CALN1: variants seen among roughly 807,000 people sequenced by gnomAD.
CALN1 encodes calneuron 1, also known as calcium-binding protein 8.
A neutral mutation model predicts 30.6 loss-of-function variants in CALN1; 17 were observed. That is an observed-to-expected ratio of 0.56 (90% confidence interval 0.38 to 0.83). CALN1 has a LOEUF of 0.83. Ranked by LOEUF, CALN1 falls within the 40% of genes least tolerant of loss-of-function variation. CALN1 has a pLI of 0.00. For synonymous variants in CALN1, 156 were observed against 131.4 expected (o/e 1.19, Z -1.28); for missense variants, 291 against 354.9 (o/e 0.82, Z 1.45).
intron 2 of CALN1, among the ~76,000 whole-genome samples, chr7:72,281,694 A>G (rs1194689404): frequency 6.6e-6 from 1 of 152,224 alleles, no homozygotes; most frequent in South Asian, 2.1e-4. Context: ...CATTCCTTCC[A>G]TTCCACCATG....
At chr7:71,833,713 G>A (rs1789428275) in intron 5 of CALN1, among the ~76,000 whole-genome samples, 1 of 151,980 alleles carries the variant, frequency 6.6e-6, no homozygotes, top group African/African-American at 2.4e-5. Flanking sequence ...GACCAGACTG[G>A]GTACCATAGC....
At chr7:71,936,227 G>A (rs563379155) in intron 5 of CALN1, among the ~76,000 whole-genome samples, 3 of 152,094 alleles carry the variant, frequency 2.0e-5, no homozygotes, top group Admixed American at 6.5e-5. Context: ...GACTGGGCGC[G>A]GTGGCTCACG....
At chr7:72,148,944 GGAAGGAAGGAAA>G (rs1318957658) in intron 3 of CALN1, among the ~76,000 whole-genome samples, 1 of 140,432 alleles carries the variant, frequency 7.1e-6, no homozygotes, top group Non-Finnish European at 1.5e-5. Flanking sequence ...AAAGAAGGAA[GGAAGGAAGGAAA>G]GAAGGAAGGG....
At chr7:71,829,333 A>G (rs1317350925) in intron 5 of CALN1, among the ~76,000 whole-genome samples, 1 of 152,172 alleles carries the variant, frequency 6.6e-6, no homozygotes, top group Non-Finnish European at 1.5e-5. Context: ...AAAAGCCACC[A>G]AAGGGCATGG....
In CALN1 at chr7:72,203,979, C is replaced by CTATTTTTTTTTTTTTTTTTTTTTT. The variant is rs59798860; in HGVS notation, c.244+74706_244+74707insAAAAAAAAAAAAAAAAAAAAAATA. ...TAGCCTTCATATAAGAGGCCTCTCTCTTTTTTTTTTTTTTTTTTTTTTTTT... is the reference window on the plus strand; with the variant it reads ...TAGCCTTCATATAAGAGGCCTCTCTCTATTTTTTTTTTTTTTTTTTTTTTTTTTTTTTTTTTTTTTTTTTTTTTT... On this transcript the variant is annotated intron_variant, in intron 3 of 6. Transcript: ENST00000395275. 2.4e-5 allele frequency among the ~76,000 whole-genome samples: 2 copies of CTATTTTTTTTTTTTTTTTTTTTTT among 83,778 alleles called. 1 individual carries two copies. Among genetic ancestry groups the CTATTTTTTTTTTTTTTTTTTTTTT allele is most frequent in the African/African-American group, 1.0e-4 (2 of 19,086 alleles). The allele number at this position is 83,778 out of a possible 152,430, so 55.0% of individuals were successfully genotyped here.
intron 2 of CALN1, among the ~76,000 whole-genome samples, chr7:72,308,317 T>C (rs985417628): frequency 4.4e-5 from 6 of 136,548 alleles, no homozygotes; most frequent in Non-Finnish European, 9.2e-5. Context: ...TGAGCTGAGA[T>C]TGCACCACTG....
At chr7:72,273,534 A>G (rs1797143489) in intron 3 of CALN1, among the ~76,000 whole-genome samples, 1 of 133,412 alleles carries the variant, frequency 7.5e-6, no homozygotes, top group South Asian at 2.5e-4. Flanking sequence ...CCCCCTAGAG[A>G]CAGGGTCTTT....
At chr7:72,334,340 A>C (rs1407723318) in intron 2 of CALN1, among the ~76,000 whole-genome samples, 2 of 152,244 alleles carry the variant, frequency 1.3e-5, no homozygotes, top group Non-Finnish European at 2.9e-5. Flanking sequence ...AACAGAAGGA[A>C]GGACCAGCCA....
intron 5 of CALN1, among the ~76,000 whole-genome samples, chr7:71,852,652 C>T (rs1050817207): frequency 1.3e-5 from 2 of 152,024 alleles, no homozygotes; most frequent in East Asian, 1.9e-4. Context: ...CCAAAGTGAT[C>T]GTAACATTTT....
intron 3 of CALN1, among the ~76,000 whole-genome samples, chr7:72,139,671 CCCTCTTCTAAGCTCCTCAGCCATGTCCAT>C (rs1399329297): frequency 9.2e-5 from 14 of 152,276 alleles, no homozygotes; most frequent in Non-Finnish European, 2.1e-4. Flanking sequence ...GCCATGTCCA[CCCTCTTCTAAGCTCCTCAGCCATGTCCAT>C]CCTCTTCTAA....
At chr7:71,921,198 C>T (rs367675161) in intron 5 of CALN1, among the ~76,000 whole-genome samples, 3 of 151,996 alleles carry the variant, frequency 2.0e-5, no homozygotes, top group Non-Finnish European at 2.9e-5. Context: ...ACACACACAC[C>T]GCAGCCTCTC....
chr7:72,227,829 T>C (rs1479343783), intron 3 of CALN1, among the ~76,000 whole-genome samples: 3 of 149,516 alleles, frequency 2.0e-5, no homozygotes, highest in African/African-American at 7.3e-5. Context: ...TGAATCATTA[T>C]GAAGATGAGA....
At chr7:72,267,830 G>C (rs1214059609) in intron 3 of CALN1, among the ~76,000 whole-genome samples, 1 of 152,092 alleles carries the variant, frequency 6.6e-6, no homozygotes, top group Non-Finnish European at 1.5e-5. Context: ...AACACAGCAA[G>C]ACCTCGTCTT....
intron 5 of CALN1, among the ~76,000 whole-genome samples, chr7:71,890,934 A>G (rs1366588739): frequency 1.3e-5 from 2 of 151,908 alleles, no homozygotes; most frequent in African/African-American, 4.8e-5. Flanking sequence ...TTTGGTAGAG[A>G]CAGGGCTTTG....
At chr7:71,907,536 A>C (rs893348977) in intron 5 of CALN1, among the ~76,000 whole-genome samples, 1 of 152,216 alleles carries the variant, frequency 6.6e-6, no homozygotes, top group Non-Finnish European at 1.5e-5. Flanking sequence ...CCTGGATTCC[A>C]ATTTCAGTCC....
intron 5 of CALN1, among the ~76,000 whole-genome samples, chr7:71,985,480 C>T (rs1246223674): frequency 6.6e-6 from 1 of 151,010 alleles, no homozygotes; most frequent in Non-Finnish European, 1.5e-5. Context: ...CCCATCTCTA[C>T]TTTAAAAACA....
At chr7:72,344,699 T>C (rs1197333783) in intron 2 of CALN1, among the ~76,000 whole-genome samples, 2 of 147,332 alleles carry the variant, frequency 1.4e-5, no homozygotes, top group African/African-American at 4.9e-5. Flanking sequence ...ATTTACATTT[T>C]TATTTATATA....
intron 5 of CALN1, among the ~76,000 whole-genome samples, chr7:71,847,797 AAGAAGAAAAGAAGGAGAAGG>A (rs2116558830): frequency 6.8e-6 from 1 of 146,052 alleles, no homozygotes; most frequent in South Asian, 2.2e-4. Context: ...AGAAGAAGAA[AAGAAGAAAAGAAGGAGAAGG>A]AGAAGGAGAA....
intron 3 of CALN1, among the ~76,000 whole-genome samples, chr7:72,259,598 T>C (rs139199724): frequency 5.3e-5 from 8 of 152,330 alleles, no homozygotes; most frequent in African/African-American, 1.9e-4. Context: ...CCACCAATTA[T>C]GAGTTGTGTG....
Sources: allele counts gnomAD v4.1 joint callset (sites outside exome capture counted in the v4.1 genomes callset), GRCh38; gene constraint gnomAD v4.1.1; transcripts MANE v1.5; gene names NCBI Gene and HGNC (gene_info 2026-07-23, HGNC 2026-07-21).